GRIN2A: variants seen among roughly 807,000 people sequenced by gnomAD.
GRIN2A encodes the protein glutamate receptor ionotropic, NMDA 2A.
GRIN2A carries 22 observed loss-of-function variants against 113.4 expected under a neutral mutation model. That is an observed-to-expected ratio of 0.19 (90% CI 0.14 to 0.28). GRIN2A has a LOEUF of 0.28. Among genes scored for constraint, GRIN2A ranks in the 10% least tolerant of loss-of-function variants. GRIN2A has a pLI of 1.00. For synonymous variants in GRIN2A, 827 were observed against 738.4 expected (o/e 1.12, Z -1.94); for missense variants, 1,502 against 1,887.0 (o/e 0.80, Z 3.78).
At chr16:9,884,376 T>C (rs1308513236) in intron 4 of GRIN2A, among the ~76,000 whole-genome samples, 1 of 151,926 alleles carries the variant, frequency 6.6e-6, no homozygotes, top group African/African-American at 2.4e-5. Context: ...TGGTGAAACT[T>C]CATCTCTACT....
chr16:9,805,995 G>C (rs2041958986), intron 10 of GRIN2A, among the ~76,000 whole-genome samples: 1 of 152,212 alleles, frequency 6.6e-6, no homozygotes, highest in South Asian at 2.1e-4. Flanking sequence ...TTCTGGGTTT[G>C]TGAATACAAA....
Position 9,973,587 on chromosome 16 carries a change from A to G in GRIN2A, c.415-35036T>C, listed in dbSNP as rs558612232. Among the ~76,000 whole-genome samples, 203 of 152,346 alleles carry G rather than the reference A, an allele frequency of 1.3e-3. 2 individuals are homozygous for G. The highest frequency in any genetic ancestry group is 6.8e-3 in the Middle Eastern group (2 of 294). ...ATTCAAGAAACTCAAAGAACCCCAA[A>G]TAGGACAAATGTGGAGAAAACCATG... is the stretch of plus-strand genomic sequence containing the variant. On this transcript the variant is annotated intron_variant, in intron 2 of 12. Coordinates refer to ENST00000330684, the MANE Select transcript of GRIN2A (RefSeq NM_001134407.3).
chr16:9,772,922 C>CAA (rs71400490), intron 11 of GRIN2A, among the ~76,000 whole-genome samples: 1,593 of 104,750 alleles, frequency 0.015, 50 homozygotes, highest in African/African-American at 0.04. Flanking sequence ...ACTTCAATTT[C>CAA]AAAAAAAAAA....
intron 4 of GRIN2A, among the ~76,000 whole-genome samples, chr16:9,858,921 G>A (rs1233372491): frequency 6.6e-6 from 1 of 152,104 alleles, no homozygotes; most frequent in Non-Finnish European, 1.5e-5. Context: ...TATCTTATTT[G>A]ATCTATTTAT....
At chr16:9,959,694 C>T (rs556274680) in intron 2 of GRIN2A, among the ~76,000 whole-genome samples, 18 of 152,208 alleles carry the variant, frequency 1.2e-4, no homozygotes, top group African/African-American at 4.3e-4. Context: ...AAAACATTGG[C>T]CAGGCATGGC....
intron 2 of GRIN2A, among the ~76,000 whole-genome samples, chr16:9,994,600 T>C (rs1192828292): frequency 6.6e-6 from 1 of 152,124 alleles, no homozygotes; most frequent in African/African-American, 2.4e-5. Flanking sequence ...AAATTATTGA[T>C]TTGTATCAAA....
chr16:9,965,233 C>T (rs997064877), intron 2 of GRIN2A, among the ~76,000 whole-genome samples: 4 of 152,228 alleles, frequency 2.6e-5, no homozygotes, highest in Non-Finnish European at 5.9e-5. Flanking sequence ...TCCATACCAA[C>T]AGCTAGAACA....
At chr16:10,037,415 C>G (rs558493040) in intron 2 of GRIN2A, 9 of 152,370 alleles carry the variant, frequency 5.9e-5, no homozygotes, top group African/African-American at 2.2e-4. Context: ...CTCTCCCCGC[C>G]GTGTGCAGCC....
At chr16:9,930,227 G>A (rs1233771911) in intron 3 of GRIN2A, among the ~76,000 whole-genome samples, 2 of 152,122 alleles carry the variant, frequency 1.3e-5, no homozygotes, top group Non-Finnish European at 2.9e-5. Flanking sequence ...AACACCTGTA[G>A]AGTGCCGACT....
At chr16:10,146,974 C>A (rs2049453586) in intron 2 of GRIN2A, among the ~76,000 whole-genome samples, 1 of 152,108 alleles carries the variant, frequency 6.6e-6, no homozygotes, top group African/African-American at 2.4e-5. Flanking sequence ...TGAATCTCAG[C>A]AAAGATCAGG....
intron 2 of GRIN2A, among the ~76,000 whole-genome samples, chr16:10,017,606 A>G (rs1358628630): frequency 6.6e-6 from 1 of 152,190 alleles, no homozygotes; most frequent in Non-Finnish European, 1.5e-5. Context: ...GGGTTGTACA[A>G]AAGAACAAGC....
At chr16:10,149,671 C>A (rs1359818606) in intron 2 of GRIN2A, among the ~76,000 whole-genome samples, 2 of 152,184 alleles carry the variant, frequency 1.3e-5, no homozygotes, top group Admixed American at 6.5e-5. Context: ...ACCCAAGTAA[C>A]CATCCTGTCC....
rs184966744 is a variant in GRIN2A, at chr16:10,095,723, G to C, written c.414+84275C>G. Among the ~76,000 whole-genome samples the C allele has an allele frequency of 5.5e-3, 840 of 152,272 alleles. 5 individuals carry two copies. The highest frequency in any genetic ancestry group is 0.014 in the South Asian group (68 of 4,814). On this transcript the variant is annotated intron_variant, in intron 2 of 12. Transcript: ENST00000330684. ...CTACAAGTTACTTGTTAATTACAAA[G>C]AGGAAATAGCAACTTTACAGTAGAG...
At chr16:10,144,148 A>G (rs1463477737) in intron 2 of GRIN2A, among the ~76,000 whole-genome samples, 1 of 152,124 alleles carries the variant, frequency 6.6e-6, no homozygotes, top group Non-Finnish European at 1.5e-5. Flanking sequence ...CGCTGGTGCT[A>G]TTACTTTTAA....
intron 2 of GRIN2A, among the ~76,000 whole-genome samples, chr16:10,003,679 C>A (rs561175919): frequency 6.6e-6 from 1 of 152,264 alleles, no homozygotes; most frequent in African/African-American, 2.4e-5. Flanking sequence ...GCAAATGAAG[C>A]ACACAGTAAT....
At chr16:9,852,557 C>G (rs2042903016) in intron 4 of GRIN2A, among the ~76,000 whole-genome samples, 2 of 152,140 alleles carry the variant, frequency 1.3e-5, no homozygotes, top group African/African-American at 2.4e-5. Context: ...CCTGACACAT[C>G]CAAGTATCCA....
chr16:10,157,970 A>G (rs557788907), intron 2 of GRIN2A, among the ~76,000 whole-genome samples: 5 of 151,924 alleles, frequency 3.3e-5, no homozygotes, highest in Non-Finnish European at 7.4e-5. Context: ...GCAGTGATAT[A>G]CCATTCTCTT....
chr16:10,170,980 T>C (rs946641129), intron 2 of GRIN2A, among the ~76,000 whole-genome samples: 2 of 152,110 alleles, frequency 1.3e-5, no homozygotes, highest in Non-Finnish European at 2.9e-5. Flanking sequence ...GGGGGGAACC[T>C]CCAGTGCAGT....
intron 2 of GRIN2A, among the ~76,000 whole-genome samples, chr16:9,981,081 C>G (rs1436554265): frequency 6.7e-6 from 1 of 149,976 alleles, no homozygotes; most frequent in Admixed American, 6.6e-5. Context: ...CTGTAAAGTC[C>G]TTAGAGGAGG....
Sources: allele counts gnomAD v4.1 joint callset (sites outside exome capture counted in the v4.1 genomes callset), GRCh38; gene constraint gnomAD v4.1.1; transcripts MANE v1.5; gene names NCBI Gene and HGNC (gene_info 2026-07-23, HGNC 2026-07-21).